The following SBF2 variants were observed in gnomAD, a reference collection of about 807,000 sequenced individuals.
The protein encoded by SBF2 is myotubularin-related protein 13.
Under a neutral mutation model 225.2 loss-of-function variants are expected in SBF2, and 112 were observed. That is an observed-to-expected ratio of 0.50 (90% CI 0.43 to 0.58). SBF2 has a LOEUF of 0.58. Among genes scored for constraint, SBF2 ranks in the 20% least tolerant of loss-of-function variants. The probability of loss-of-function intolerance (pLI) is 0.00; values close to 1 mark genes in which losing one functional copy is unlikely to be tolerated. For synonymous variants in SBF2, 763 were observed against 773.3 expected (o/e 0.99, Z 0.22); for missense variants, 1,996 against 2,206.2 (o/e 0.90, Z 1.91).
chr11:9,884,580 T>A (rs1433792548), intron 17 of SBF2, among the ~76,000 whole-genome samples: 1 of 152,192 alleles, frequency 6.6e-6, no homozygotes, highest in Non-Finnish European at 1.5e-5. Flanking sequence ...ACTTTCTCCT[T>A]ATCCTAAGGT....
Position 10,294,001 on chromosome 11 carries a change from C to G in SBF2, c.55+14G>C. On this transcript the variant is annotated intron_variant, in intron 1 of 39. Coordinates refer to ENST00000256190, the MANE Select transcript of SBF2 (RefSeq NM_030962.4). ...GCGGGGAGGCCCGGGGGCGGTGCCG[C>G]CCCACACCCTTACCTGGCTTCTCGT... is the stretch of plus-strand genomic sequence containing the variant. 1 of 1,384,746 alleles carries G rather than the reference C, an allele frequency of 7.2e-7. No individual in the cohort carries two copies. Among genetic ancestry groups the G allele is most frequent in the Non-Finnish European group, 9.4e-7 (1 of 1,063,430 alleles). The allele number at this position is 1,384,746 out of a possible 1,614,324, so 85.8% of individuals were successfully genotyped here. A position where few individuals can be genotyped will look rare whatever the true frequency, so the allele number is the denominator to read the frequency against.
chr11:10,208,006 T>C (rs961339586), intron 1 of SBF2, among the ~76,000 whole-genome samples: 2 of 152,104 alleles, frequency 1.3e-5, no homozygotes, highest in Admixed American at 6.5e-5. Context: ...CTTCCCATGG[T>C]TGATAAACTA....
intron 3 of SBF2, among the ~76,000 whole-genome samples, chr11:10,033,243 T>G (rs569178709): frequency 6.6e-6 from 1 of 152,274 alleles, no homozygotes; most frequent in South Asian, 2.1e-4. Context: ...TTGGAAGAGA[T>G]AAAGCTATCC....
intron 1 of SBF2, among the ~76,000 whole-genome samples, chr11:10,285,890 G>T (rs896414780): frequency 1.3e-5 from 2 of 152,130 alleles, no homozygotes; most frequent in African/African-American, 2.4e-5. Flanking sequence ...AATTTGATCA[G>T]ACACTTTACA....
At chr11:9,845,994 G>A (rs1856517555) in intron 23 of SBF2, among the ~76,000 whole-genome samples, 1 of 152,128 alleles carries the variant, frequency 6.6e-6, no homozygotes, top group Non-Finnish European at 1.5e-5. Flanking sequence ...TTCTACAATG[G>A]GATAGGGAAT....
At chr11:10,131,478 G>A (rs966262185) in intron 2 of SBF2, among the ~76,000 whole-genome samples, 4 of 152,162 alleles carry the variant, frequency 2.6e-5, no homozygotes, top group Non-Finnish European at 5.9e-5. Context: ...TTGTTGCCCA[G>A]GCTGGAGTGC....
At chr11:10,028,691 A>G (rs1949137910) in intron 5 of SBF2, 134 bp from the exon 6 acceptor site, 4 of 694,578 alleles carry the variant, frequency 5.8e-6, no homozygotes, top group African/African-American at 1.8e-5. Flanking sequence ...AAAGGCAACA[A>G]TGTATATCCC....
chr11:10,136,502 C>CA (rs1232507714), intron 2 of SBF2, among the ~76,000 whole-genome samples: 6 of 152,146 alleles, frequency 3.9e-5, no homozygotes, highest in Non-Finnish European at 8.8e-5. Flanking sequence ...GAAGCCTCCA[C>CA]AAAAAGCCTA....
chr11:10,225,304 A>G (rs1379582423), intron 1 of SBF2, among the ~76,000 whole-genome samples: 1 of 151,876 alleles, frequency 6.6e-6, no homozygotes, highest in Non-Finnish European at 1.5e-5. Context: ...AAATAAAAAC[A>G]CTTCTTCTTT....
chr11:10,059,662 G>A (rs890802430), intron 2 of SBF2, among the ~76,000 whole-genome samples: 21 of 151,962 alleles, frequency 1.4e-4, no homozygotes, highest in Admixed American at 1.2e-3. Flanking sequence ...TAAAAGAACC[G>A]ACATCATACC....
At chr11:10,102,515 T>A (rs988911527) in intron 2 of SBF2, among the ~76,000 whole-genome samples, 3 of 152,184 alleles carry the variant, frequency 2.0e-5, no homozygotes, top group Non-Finnish European at 4.4e-5. Context: ...GGCATGGGGA[T>A]ATGGTTTTCG....
At chr11:9,861,022 T>C (rs1481816126) in intron 17 of SBF2, among the ~76,000 whole-genome samples, 2 of 152,232 alleles carry the variant, frequency 1.3e-5, no homozygotes, top group African/African-American at 4.8e-5. Context: ...ACATTACAGG[T>C]TGAATGTCCC....
intron 2 of SBF2, among the ~76,000 whole-genome samples, chr11:10,153,002 C>G (rs554209254): frequency 6.6e-6 from 1 of 152,128 alleles, no homozygotes; most frequent in Non-Finnish European, 1.5e-5. Context: ...CAGTACTATA[C>G]GAGGCTTTCA....
intron 25 of SBF2, 37 bp downstream of exon 25, chr11:9,842,588 A>C: frequency 1.2e-6 from 2 of 1,604,066 alleles, no homozygotes; most frequent in Non-Finnish European, 1.7e-6. Flanking sequence ...ATAAGAAATA[A>C]AGTTGAATAA....
rs2134001274 is a variant in SBF2 at position 9,856,603 on chromosome 11, C to T, written c.2218G>A (p.Glu740Lys). The change falls in exon 19 of 40, where the codon GAA becomes AAA. Residue 740 changes from glutamate to lysine, a missense_variant. By Grantham distance (56) the Glu-to-Lys change is moderately conservative (BLOSUM62 1). Coordinates refer to ENST00000256190, the MANE Select transcript of SBF2 (RefSeq NM_030962.4). ...STQQELVQHE[E>K]STVFSQAIHF... ...ATGGCCTGACTAAAGACAGTGCTTT[C>T]CTCATGTTGCACTAGCTCTTGCTGA... The T allele has an allele frequency of 6.2e-7, 1 of 1,614,126 alleles. No homozygotes were observed. The highest frequency in any genetic ancestry group is 2.2e-5 in the East Asian group (1 of 44,872).
At chr11:10,104,323 C>T (rs138890378) in intron 2 of SBF2, among the ~76,000 whole-genome samples, 1 of 152,132 alleles carries the variant, frequency 6.6e-6, no homozygotes, top group South Asian at 2.1e-4. Flanking sequence ...ACAGTACCAG[C>T]CCTTTAAATC....
chr11:10,298,360 C>T (rs935034962), upstream of SBF2, among the ~76,000 whole-genome samples: 2 of 152,162 alleles, frequency 1.3e-5, no homozygotes, highest in Non-Finnish European at 2.9e-5. Flanking sequence ...CATTGCACTC[C>T]AGCCTGGGCA....
chr11:10,217,706 G>A (rs1958180961), intron 1 of SBF2, among the ~76,000 whole-genome samples: 1 of 152,116 alleles, frequency 6.6e-6, no homozygotes, highest in Non-Finnish European at 1.5e-5. Flanking sequence ...AAGCCTTAGA[G>A]AGGTATTACT....
At position 10,274,280 on chromosome 11, in the gene SBF2, G is replaced by T. The variant is rs149805603; in HGVS notation, c.55+19735C>A. Among the ~76,000 whole-genome samples, 4 of 152,254 alleles carry T rather than the reference G, an allele frequency of 2.6e-5. No individual in the cohort carries two copies. The East Asian group carries it at 5.8e-4, about 22-fold the overall frequency. On this transcript the variant is annotated intron_variant, in intron 1 of 39. Coordinates refer to ENST00000256190, the MANE Select transcript of SBF2 (RefSeq NM_030962.4). The stretch of plus-strand genomic sequence containing the variant: ...GGACTAGGGTTTCATTTTATTAAGA[G>T]AATTTTAAAGTTTCTGTTCAGGTAC...
Sources: gnomAD v4.1 joint callset for allele counts (sites outside exome capture counted in the v4.1 genomes callset) on GRCh38, gnomAD v4.1.1 for gene constraint, MANE v1.5 for transcripts, NCBI Gene and HGNC (gene_info 2026-07-23, HGNC 2026-07-21) for gene names.